The following GPATCH2 variants were observed in gnomAD, a reference collection of about 807,000 sequenced individuals.
GPATCH2 encodes G patch domain-containing protein 2.
In GPATCH2, 51 loss-of-function variants were observed where a neutral mutation model predicts 58.0. The ratio of observed to expected loss-of-function variants is 0.88; its 90% CI spans 0.70 to 1.11. The LOEUF (loss-of-function observed/expected upper bound fraction) is 1.11, where lower values mean the gene tolerates loss of function less well. Among genes scored for constraint, GPATCH2 ranks in the 50% most tolerant of loss-of-function variants. The probability of loss-of-function intolerance (pLI) is 0.00; values close to 1 mark genes in which losing one functional copy is unlikely to be tolerated. For synonymous variants in GPATCH2, 222 were observed against 218.5 expected (o/e 1.02, Z -0.14); for missense variants, 625 against 652.2 (o/e 0.96, Z 0.45).
At chr1:217,553,371 A>G (rs1307937904) in intron 5 of GPATCH2, among the ~76,000 whole-genome samples, 1 of 152,124 alleles carries the variant, frequency 6.6e-6, no homozygotes, top group Non-Finnish European at 1.5e-5. Flanking sequence ...GTATACATCT[A>G]AGGGAGAACA....
At chr1:217,445,044 A>G (rs1054760203) in intron 9 of GPATCH2, among the ~76,000 whole-genome samples, 3 of 152,170 alleles carry the variant, frequency 2.0e-5, no homozygotes, top group Non-Finnish European at 4.4e-5. Context: ...TGGAGAAAAA[A>G]GTTGAAAAGT....
At chr1:217,586,135 CTT>C (rs1335994797) in intron 5 of GPATCH2, among the ~76,000 whole-genome samples, 1 of 152,118 alleles carries the variant, frequency 6.6e-6, no homozygotes, top group Non-Finnish European at 1.5e-5. Flanking sequence ...CTAATGTAGA[CTT>C]TATAAATATT....
At chr1:217,562,559 A>G (rs935538943) in intron 5 of GPATCH2, among the ~76,000 whole-genome samples, 1 of 152,222 alleles carries the variant, frequency 6.6e-6, no homozygotes, top group African/African-American at 2.4e-5. Flanking sequence ...GGCAACAACA[A>G]TGAACCTAGA....
chr1:217,449,434 A>G (rs1284207386), intron 8 of GPATCH2, 97 bp from the exon 9 acceptor site: 3 of 751,750 alleles, frequency 4.0e-6, no homozygotes, highest in Non-Finnish European at 7.0e-6. Context: ...AAACGTTCTC[A>G]ACAAAGATGG....
At chr1:217,623,401 T>C (rs1669297354) in intron 1 of GPATCH2, among the ~76,000 whole-genome samples, 1 of 152,116 alleles carries the variant, frequency 6.6e-6, no homozygotes, top group Non-Finnish European at 1.5e-5. Context: ...CTGATACTCT[T>C]CAATTAATTT....
At chr1:217,615,945 G>C (rs558742401) in intron 2 of GPATCH2, among the ~76,000 whole-genome samples, 1 of 152,000 alleles carries the variant, frequency 6.6e-6, no homozygotes, top group East Asian at 1.9e-4. Flanking sequence ...CATACAGCCA[G>C]GTTCATCTTT....
At chr1:217,579,964 A>G (rs1039160690) in intron 5 of GPATCH2, among the ~76,000 whole-genome samples, 9 of 152,210 alleles carry the variant, frequency 5.9e-5, no homozygotes, top group African/African-American at 2.2e-4. Flanking sequence ...CTATTAAGAT[A>G]CGTTCAAAGT....
intron 8 of GPATCH2, among the ~76,000 whole-genome samples, chr1:217,465,144 G>A (rs191980142): frequency 6.6e-6 from 1 of 151,846 alleles, no homozygotes; most frequent in African/African-American, 2.4e-5. Context: ...ACAGAGGAGT[G>A]AGCCATATGA....
Position 217,430,505 on chromosome 1 carries a change from C to T in GPATCH2, c.*640G>A, listed in dbSNP as rs1048126. 0.3 allele frequency: 46,277 copies of T among 152,014 alleles called. 7,309 individuals are homozygous for T. Among genetic ancestry groups the T allele is most frequent in the Middle Eastern group, 0.45 (130 of 292 alleles). 9.4% of individuals were successfully genotyped at this position (152,014 alleles called of 1,614,324 possible). A position where few individuals can be genotyped will look rare whatever the true frequency, so the allele number is the denominator to read the frequency against. On this transcript the variant is annotated 3_prime_UTR_variant, in exon 10 of 10. Coordinates refer to ENST00000366935, the MANE Select transcript of GPATCH2 (RefSeq NM_018040.5). ...GTAGAGGGCACTCTGGTGATAACAACGATGAGGTTTATTTTTGTCAAAACA... is the reference window on the plus strand; with the variant it reads ...GTAGAGGGCACTCTGGTGATAACAATGATGAGGTTTATTTTTGTCAAAACA...
At chr1:217,610,464 G>T in intron 4 of GPATCH2, 64 bp from the exon 5 acceptor site, 1 of 929,644 alleles carries the variant, frequency 1.1e-6, no homozygotes. Context: ...AAGAAGAAGA[G>T]GATCCTATCA....
intron 5 of GPATCH2, among the ~76,000 whole-genome samples, chr1:217,522,606 A>T (rs1663524058): frequency 6.6e-6 from 1 of 152,216 alleles, no homozygotes; most frequent in Non-Finnish European, 1.5e-5. Flanking sequence ...ATCTTCTTTT[A>T]TGAATAAATG....
intron 9 of GPATCH2, among the ~76,000 whole-genome samples, chr1:217,434,492 T>A (rs1658716892): frequency 6.6e-6 from 1 of 152,168 alleles, no homozygotes; most frequent in African/African-American, 2.4e-5. Flanking sequence ...TGCCTTAGCG[T>A]GTTGTCTCAT....
chr1:217,498,835 A>G (rs965151852), intron 6 of GPATCH2: 1 of 229,624 alleles, frequency 4.4e-6, no homozygotes, highest in African/African-American at 2.4e-5. Context: ...CCCCAGGAGC[A>G]ATACACAAAG....
intron 2 of GPATCH2, among the ~76,000 whole-genome samples, chr1:217,617,973 G>A (rs989698382): frequency 6.6e-6 from 1 of 151,872 alleles, no homozygotes; most frequent in Non-Finnish European, 1.5e-5. Context: ...CTAAAAAAAA[G>A]GGGGGGAGCT....
At chr1:217,571,921 G>T (rs1666574409) in intron 5 of GPATCH2, among the ~76,000 whole-genome samples, 1 of 144,876 alleles carries the variant, frequency 6.9e-6, no homozygotes, top group Non-Finnish European at 1.5e-5. Flanking sequence ...AAGAAAGACA[G>T]ACAGACAAAA....
At chr1:217,602,617 A>G (rs1668159448) in intron 5 of GPATCH2, among the ~76,000 whole-genome samples, 1 of 152,176 alleles carries the variant, frequency 6.6e-6, no homozygotes, top group Non-Finnish European at 1.5e-5. Context: ...CAGGGAGAAC[A>G]AGCTGAAACA....
rs143503636 is a variant in GPATCH2, at chr1:217,439,742, C to T, written c.1367-8377G>A. On this transcript the variant is annotated intron_variant, in intron 9 of 9. Transcript: ENST00000366935. ...TCAGAGAATAGTATAAACACCTCTA[C>T]GCAAATAAACTAGAAAATCTAGAAG... 4.6e-3 allele frequency among the ~76,000 whole-genome samples: 707 copies of T among 152,240 alleles called. 4 individuals are homozygous for T. The highest frequency in any genetic ancestry group is 0.013 in the African/African-American group (525 of 41,570).
At chr1:217,515,842 C>T (rs771543702) in intron 5 of GPATCH2, among the ~76,000 whole-genome samples, 3 of 150,470 alleles carry the variant, frequency 2.0e-5, no homozygotes, top group African/African-American at 7.3e-5. Context: ...CAGATATTTC[C>T]GAGGACCAAT....
At chr1:217,557,428 A>C (rs530177934) in intron 5 of GPATCH2, among the ~76,000 whole-genome samples, 3 of 152,074 alleles carry the variant, frequency 2.0e-5, no homozygotes, top group Non-Finnish European at 2.9e-5. Flanking sequence ...AAAAAAAAAA[A>C]AAAATTCCGT....
Sources: gnomAD v4.1 joint callset for allele counts (sites outside exome capture counted in the v4.1 genomes callset) on GRCh38, gnomAD v4.1.1 for gene constraint, MANE v1.5 for transcripts, NCBI Gene and HGNC (gene_info 2026-07-23, HGNC 2026-07-21) for gene names.